The following WDPCP variants were observed in gnomAD, a reference collection of about 807,000 sequenced individuals.
The protein encoded by WDPCP is WD repeat-containing and planar cell polarity effector protein fritz homolog.
A neutral mutation model predicts 93.1 loss-of-function variants in WDPCP; 71 were observed. The observed-to-expected ratio is 0.76, with a 90% CI of 0.63 to 0.93. The LOEUF is 0.93. Ranked by LOEUF, WDPCP falls within the 40% of genes least tolerant of loss-of-function variation. WDPCP has a pLI of 0.00. For missense variants in WDPCP, 844 were observed against 887.4 expected (o/e 0.95, Z 0.62); for synonymous variants, 315 against 315.0 (o/e 1.00, Z 0.00).
chr2:63,558,369 A>G (rs1451724065), intron 1 of WDPCP, among the ~76,000 whole-genome samples: 2 of 151,966 alleles, frequency 1.3e-5, no homozygotes, highest in Admixed American at 6.6e-5. Context: ...CTCTACTAAA[A>G]ATACAAAAAT....
chr2:63,642,176 T>C (rs768069458), intron 3 of WDPCP, among the ~76,000 whole-genome samples: 11 of 152,194 alleles, frequency 7.2e-5, no homozygotes, highest in Non-Finnish European at 1.3e-4. Flanking sequence ...CTGTTTTGTT[T>C]ACTATAGCGC....
intron 13 of WDPCP, among the ~76,000 whole-genome samples, chr2:63,280,842 G>A (rs1396073787): frequency 1.3e-5 from 2 of 152,176 alleles, no homozygotes; most frequent in African/African-American, 4.8e-5. Flanking sequence ...ATGGATTGAA[G>A]TCTTAAATCT....
intron 2 of WDPCP, among the ~76,000 whole-genome samples, chr2:63,704,085 G>A (rs560917023): frequency 1.3e-5 from 2 of 152,310 alleles, no homozygotes; most frequent in Admixed American, 1.3e-4. Flanking sequence ...GTTCACTCAT[G>A]ATTTGGCTCT....
rs376164426 is a variant in WDPCP at position 63,404,403 on chromosome 2, C to T, written c.1080G>A (p.Ser360=). 2.5e-5 allele frequency: 40 copies of T among 1,614,136 alleles called. No homozygotes were observed. The highest frequency in any genetic ancestry group is 3.1e-5 in the Non-Finnish European group (36 of 1,180,002). ...DKLILGCEDS[S]LILYETHRRV... ...TACGGTGAGTTTCATAAAGAATTAGCGAAGAATCTTCACAGCCCAGAATCA... is the reference window on the plus strand; with the variant it reads ...TACGGTGAGTTTCATAAAGAATTAGTGAAGAATCTTCACAGCCCAGAATCA... The change falls in exon 10 of 18, where the codon TCG becomes TCA. Residue 360 remains serine (S), a synonymous_variant. Transcript: ENST00000272321.
intron 6 of WDPCP, among the ~76,000 whole-genome samples, chr2:63,453,569 T>G (rs1408937823): frequency 6.6e-6 from 1 of 152,174 alleles, no homozygotes; most frequent in East Asian, 1.9e-4. Flanking sequence ...AGAAATACCA[T>G]TTGATCCAGC....
At chr2:63,573,713 A>T (rs1246525893) in intron 1 of WDPCP, among the ~76,000 whole-genome samples, 1 of 152,210 alleles carries the variant, frequency 6.6e-6, no homozygotes, top group East Asian at 1.9e-4. Context: ...AACAAGAGAG[A>T]TAACCTTAAA....
chr2:63,124,383 G>A (rs953447295), intron 17 of WDPCP, among the ~76,000 whole-genome samples: 1 of 151,942 alleles, frequency 6.6e-6, no homozygotes, highest in Non-Finnish European at 1.5e-5. Flanking sequence ...TTACAGCAAC[G>A]AAAGGGTTTT....
intron 15 of WDPCP, among the ~76,000 whole-genome samples, chr2:63,171,178 A>C (rs1486051744): frequency 6.6e-6 from 1 of 152,216 alleles, no homozygotes; most frequent in Non-Finnish European, 1.5e-5. Flanking sequence ...CATAAAAGAC[A>C]ATCAAAAAAA....
At chr2:63,758,394 T>A (rs1670000542) in intron 2 of WDPCP, among the ~76,000 whole-genome samples, 1 of 152,122 alleles carries the variant, frequency 6.6e-6, no homozygotes, top group African/African-American at 2.4e-5. Flanking sequence ...TTTTAATTTG[T>A]GGGTTTCAGG....
intron 3 of WDPCP, chr2:63,606,018 T>C (rs1225552267): frequency 1.9e-6 from 3 of 1,613,844 alleles, no homozygotes; most frequent in Non-Finnish European, 2.5e-6. Flanking sequence ...TCATTCCCTG[T>C]TGTAATCAAG....
intron 12 of WDPCP, among the ~76,000 whole-genome samples, chr2:63,369,894 C>T (rs983100364): frequency 1.3e-5 from 2 of 152,114 alleles, no homozygotes; most frequent in Non-Finnish European, 2.9e-5. Context: ...AATATAAGGA[C>T]TTCTTTTACT....
intron 1 of WDPCP, among the ~76,000 whole-genome samples, chr2:63,550,912 A>G (rs1445283868): frequency 6.6e-6 from 1 of 152,012 alleles, no homozygotes; most frequent in Non-Finnish European, 1.5e-5. Context: ...ACTTCTCTTC[A>G]CCAGGCAAAC....
chr2:63,442,062 A>C (rs554511572), intron 6 of WDPCP: 1 of 152,238 alleles, frequency 6.6e-6, no homozygotes, highest in Non-Finnish European at 1.5e-5. Context: ...CTTGAGATTG[A>C]GGCTGAGGAT....
At chr2:63,798,848 G>C (rs1024010227) in intron 2 of WDPCP, among the ~76,000 whole-genome samples, 1 of 152,020 alleles carries the variant, frequency 6.6e-6, no homozygotes, top group African/African-American at 2.4e-5. Flanking sequence ...CACCTAAAAT[G>C]ACACACAGAG....
chr2:63,482,497 A>C (rs1340376822), intron 6 of WDPCP, among the ~76,000 whole-genome samples: 1 of 151,998 alleles, frequency 6.6e-6, no homozygotes, highest in Non-Finnish European at 1.5e-5. Flanking sequence ...AAATTTAACA[A>C]AAATTTAACT....
intron 13 of WDPCP, 128 bp from the exon 14 acceptor site, chr2:63,259,537 G>C (rs914950872): frequency 1.2e-6 from 1 of 816,786 alleles, no homozygotes; most frequent in South Asian, 1.7e-5. Flanking sequence ...TCTTTTCTGT[G>C]TTTTAAGTTT....
intron 2 of WDPCP, among the ~76,000 whole-genome samples, chr2:63,702,261 G>A (rs2103711037): frequency 6.6e-6 from 1 of 152,176 alleles, no homozygotes; most frequent in South Asian, 2.1e-4. Flanking sequence ...CCTGACCTCA[G>A]GTGATCCGCC....
intron 12 of WDPCP, among the ~76,000 whole-genome samples, chr2:63,330,867 CTTT>C (rs70965119): frequency 1.2e-4 from 10 of 86,848 alleles, no homozygotes; most frequent in Admixed American, 4.5e-4. Flanking sequence ...TTCCCCAAGG[CTTT>C]TTTTTTTTTT....
At chr2:63,228,387 C>CTTTTTTTTTTTT in intron 14 of WDPCP, 179 of 110,056 alleles carry the variant, frequency 1.6e-3, no homozygotes, top group Middle Eastern at 9.4e-3. Context: ...TTTTCTTTTT[C>CTTTTTTTTTTTT]TTTTTTTTTT....
Sources: gnomAD v4.1 joint callset for allele counts (sites outside exome capture counted in the v4.1 genomes callset) on GRCh38, gnomAD v4.1.1 for gene constraint, MANE v1.5 for transcripts, NCBI Gene and HGNC (gene_info 2026-07-23, HGNC 2026-07-21) for gene names.